The following CCDC191 variants were observed in gnomAD, a reference collection of about 807,000 sequenced individuals.
CCDC191 encodes coiled-coil domain-containing protein 191.
Under a neutral mutation model 114.0 loss-of-function variants are expected in CCDC191, and 99 were observed. The observed-to-expected ratio is 0.87, with a 90% CI of 0.74 to 1.03. CCDC191 has a LOEUF of 1.03. Among genes scored for constraint, CCDC191 ranks in the 50% least tolerant of loss-of-function variants. CCDC191 has a pLI of 0.00. For missense variants in CCDC191, 973 were observed against 1,087.0 expected, an observed-to-expected ratio of 0.90 and a Z score of 1.47; for synonymous variants, 351 against 376.0, an observed-to-expected ratio of 0.93 and a Z score of 0.77.
In CCDC191 at chr3:113,978,440, A is replaced by G. The variant is rs144157184; in HGVS notation, c.2461-109T>C. ...AAATGAAACAAAAGAAACAAATGAC[A>G]CTAGAGACATACAAAGAAAAGGATA... On this transcript the variant is annotated intron_variant, in intron 15 of 16. Coordinates refer to ENST00000295878, the MANE Select transcript of CCDC191 (RefSeq NM_020817.2). The G allele has an allele frequency of 3.7e-4, 407 of 1,094,180 alleles. 6 individuals are homozygous for G. In the East Asian group the frequency reaches 1.0e-2, roughly 27 times the overall value. The allele number at this position is 1,094,180 out of a possible 1,614,324, so 67.8% of individuals were successfully genotyped here.
rs773788738 is a variant in CCDC191 at position 113,964,440 on chromosome 3, A to C, written c.*715T>G. Reference sequence around the variant, plus strand: ...TCTAGATCAAACTGAGCTGAGTACTAGAAGACAAACTGAGTGTATTATTCA... The same window carrying C: ...TCTAGATCAAACTGAGCTGAGTACTCGAAGACAAACTGAGTGTATTATTCA... On this transcript the variant is annotated 3_prime_UTR_variant, in exon 17 of 17. Transcript: ENST00000295878. The C allele has an allele frequency of 5.3e-5, 8 of 152,236 alleles. No individual in the cohort carries two copies. The highest frequency in any genetic ancestry group is 8.8e-5 in the Non-Finnish European group (6 of 68,050). 9.4% of individuals were successfully genotyped at this position (152,236 alleles called of 1,614,324 possible).
chr3:114,038,636 C>CAAA (rs1447976239), intron 4 of CCDC191, among the ~76,000 whole-genome samples: 2 of 152,044 alleles, frequency 1.3e-5, no homozygotes, highest in African/African-American at 4.8e-5. Flanking sequence ...GGTATATACC[C>CAAA]AGTAATGGTA....
At chr3:114,053,009 A>G (rs1015907847) in intron 2 of CCDC191, among the ~76,000 whole-genome samples, 7 of 152,212 alleles carry the variant, frequency 4.6e-5, no homozygotes, top group Admixed American at 6.5e-5. Context: ...CAGACTCAAA[A>G]ATACATATCT....
At chr3:114,054,743 C>G (rs1043700642) in intron 1 of CCDC191, among the ~76,000 whole-genome samples, 2 of 152,114 alleles carry the variant, frequency 1.3e-5, no homozygotes, top group African/African-American at 4.8e-5. Flanking sequence ...ATATAAATTT[C>G]CACCCAGATC....
chr3:113,997,011 A>G (rs139474927), intron 13 of CCDC191, among the ~76,000 whole-genome samples: 1 of 152,350 alleles, frequency 6.6e-6, no homozygotes, highest in Non-Finnish European at 1.5e-5. Context: ...CATGCTCTGC[A>G]TATGTATCCC....
rs763956498 is a variant in CCDC191 at position 114,005,642 on chromosome 3, G to C, written c.1734C>G (p.Leu578=). 1.2e-6 allele frequency: 2 copies of C among 1,614,120 alleles called. No individual in the cohort carries two copies. Among genetic ancestry groups the C allele is most frequent in the Admixed American group, 1.7e-5 (1 of 60,004 alleles). ...CCAGCTGCAGGTTTTTCTTCAGCTC[G>C]AGAATTGTTTTCTGCTGTTCCTGAA... The part of the protein sequence containing the change: ...KKLQEQQKTI[L]ELKKNLQLAE... The change falls in exon 10 of 17, where the codon CTC becomes CTG. Residue 578 remains leucine, a synonymous_variant. Coordinates refer to ENST00000295878, the MANE Select transcript of CCDC191 (RefSeq NM_020817.2).
chr3:114,004,545 C>T, intron 11 of CCDC191, 92 bp downstream of exon 11: 2 of 1,525,218 alleles, frequency 1.3e-6, no homozygotes, highest in Non-Finnish European at 1.8e-6. Flanking sequence ...GTCTCAAAAC[C>T]TCAAGAGTTG....
intron 16 of CCDC191, among the ~76,000 whole-genome samples, chr3:113,977,979 T>C (rs2074991717): frequency 6.6e-6 from 1 of 152,164 alleles, no homozygotes; most frequent in Non-Finnish European, 1.5e-5. Flanking sequence ...GGCCTCCTCC[T>C]CCTCCCACTT....
rs954888319 is a variant in CCDC191, at chr3:114,046,740, A to T, written c.130-8T>A. 1 of 1,574,448 alleles carries T rather than the reference A, an allele frequency of 6.4e-7. No individual in the cohort carries two copies. Among genetic ancestry groups the T allele is most frequent in the Non-Finnish European group, 8.6e-7 (1 of 1,161,084 alleles). The stretch of plus-strand genomic sequence containing the variant: ...TGAGGCTTTCTCCACTCTCTTCAAT[A>T]TAACAGAAAAAAAAATCCATAAAGA... On this transcript the variant is annotated splice_region_variant and splice_polypyrimidine_tract_variant and intron_variant, in intron 2 of 16. Transcript: ENST00000295878.
intron 13 of CCDC191, among the ~76,000 whole-genome samples, chr3:113,986,415 A>G (rs2075357905): frequency 6.6e-6 from 1 of 152,248 alleles, no homozygotes; most frequent in Admixed American, 6.5e-5. Context: ...TGAAGAAATA[A>G]CGGGCAAACA....
chr3:114,026,212 C>A (rs1391777616), intron 7 of CCDC191, among the ~76,000 whole-genome samples: 1 of 152,064 alleles, frequency 6.6e-6, no homozygotes, highest in East Asian at 1.9e-4. Context: ...GTAAATTGGC[C>A]CTCACTGTCA....
chr3:114,015,679 T>G (rs2076147813), intron 8 of CCDC191, among the ~76,000 whole-genome samples: 1 of 152,236 alleles, frequency 6.6e-6, no homozygotes, highest in South Asian at 2.1e-4. Context: ...TAATTTAGTG[T>G]GTATACTAGA....
chr3:114,054,532 G>A (rs1415880180), intron 1 of CCDC191, among the ~76,000 whole-genome samples: 1 of 152,172 alleles, frequency 6.6e-6, no homozygotes, highest in Non-Finnish European at 1.5e-5. Flanking sequence ...AGCTACTCAG[G>A]AGGCTGAGGC....
intron 16 of CCDC191, among the ~76,000 whole-genome samples, chr3:113,970,798 A>G (rs944277767): frequency 3.8e-4 from 57 of 151,096 alleles, no homozygotes; most frequent in Admixed American, 2.9e-3. Context: ...ATTCCCACCT[A>G]TGAGTGAGAA....
chr3:114,036,376 AATT>A lies in CCDC191; in HGVS notation c.594+229_594+231del, dbSNP rs1194013495. On this transcript the variant is annotated intron_variant, in intron 5 of 16. Transcript: ENST00000295878. ...TATGTCAATACTCTTGGTCAAAATC[AATT>A]ATTCTTTTTTTTCTTTTTGGCTATT... Among the ~76,000 whole-genome samples, 12 of 152,194 alleles carry A rather than the reference AATT, an allele frequency of 7.9e-5. No homozygotes were observed. In the East Asian group the frequency reaches 2.1e-3, roughly 27 times the overall value.
intron 7 of CCDC191, among the ~76,000 whole-genome samples, chr3:114,019,401 T>C (rs1467373938): frequency 6.6e-6 from 1 of 152,130 alleles, no homozygotes; most frequent in Non-Finnish European, 1.5e-5. Flanking sequence ...CTTTAGGGCT[T>C]TGGTGAGTCT....
In CCDC191 at chr3:114,027,787, G is replaced by A. The variant is rs11926863; in HGVS notation, c.972+3839C>T. Among the ~76,000 whole-genome samples, 574 of 152,252 alleles carry A rather than the reference G, an allele frequency of 3.8e-3. 3 individuals carry two copies. The highest frequency in any genetic ancestry group is 0.013 in the African/African-American group (545 of 41,542). On this transcript the variant is annotated intron_variant, in intron 7 of 16. Transcript: ENST00000295878. ...AAACATTCTGAGGGTGCTGACAAGAGCTTCCAGTTATCTAGTCACTCCCTG... is the reference window on the plus strand; with the variant it reads ...AAACATTCTGAGGGTGCTGACAAGAACTTCCAGTTATCTAGTCACTCCCTG...
In CCDC191 at chr3:114,010,835, T is replaced by TA. The variant is rs1284163729; in HGVS notation, c.1349dup (p.Leu450PhefsTer8). 6 of 1,613,854 alleles carry TA rather than the reference T, an allele frequency of 3.7e-6. No individual in the cohort carries two copies. The highest frequency in any genetic ancestry group is 4.2e-6 in the Non-Finnish European group (5 of 1,179,804). On this transcript the variant is annotated frameshift_variant, in exon 9 of 17. Coordinates refer to ENST00000295878, the MANE Select transcript of CCDC191 (RefSeq NM_020817.2). LOFTEE classifies it high-confidence loss of function. ...CCTCCTCAGGTAGACTGATGCCTGATAACCCATTGGCACTGAGTTTCCCCA... is the reference window on the plus strand; with the variant it reads ...CCTCCTCAGGTAGACTGATGCCTGATAAACCCATTGGCACTGAGTTTCCCCA...
At chr3:114,015,073 T>G (rs1188973837) in intron 8 of CCDC191, among the ~76,000 whole-genome samples, 1 of 152,130 alleles carries the variant, frequency 6.6e-6, no homozygotes, top group Admixed American at 6.6e-5. Flanking sequence ...AAGGGCCAGT[T>G]TTTTTCACTG....
Sources: allele counts gnomAD v4.1 joint callset (sites outside exome capture counted in the v4.1 genomes callset), GRCh38; gene constraint gnomAD v4.1.1; transcripts MANE v1.5; gene names NCBI Gene and HGNC (gene_info 2026-07-23, HGNC 2026-07-21).